Variants in TM6SF1 observed in about 807,000 individuals in gnomAD.
The protein encoded by TM6SF1 is transmembrane 6 superfamily member 1.
A neutral mutation model predicts 47.1 loss-of-function variants in TM6SF1; 43 were observed. The observed-to-expected ratio is 0.91, with a 90% CI of 0.72 to 1.18. The LOEUF is 1.18. Ranked by LOEUF, TM6SF1 falls within the 50% of genes most tolerant of loss-of-function variation. The pLI is 0.00. For missense variants in TM6SF1, 390 were observed against 449.0 expected (o/e 0.87, Z 1.19); for synonymous variants, 177 against 166.3 (o/e 1.06, Z -0.49).
chr15:83,136,722 T>A lies in TM6SF1; in HGVS notation c.*50T>A. 1 of 1,471,214 alleles carries A rather than the reference T, an allele frequency of 6.8e-7. No homozygotes were observed. The highest frequency in any genetic ancestry group is 9.2e-7 in the Non-Finnish European group (1 of 1,082,328). The allele number at this position is 1,471,214 out of a possible 1,614,324, so 91.1% of individuals were successfully genotyped here. A position where few individuals can be genotyped will look rare whatever the true frequency, so the allele number is the denominator to read the frequency against. On this transcript the variant is annotated 3_prime_UTR_variant, in exon 10 of 10. Coordinates refer to ENST00000322019, the MANE Select transcript of TM6SF1 (RefSeq NM_023003.5). The stretch of plus-strand genomic sequence containing the variant: ...TCTAAATTACTAACTTTTGTTATAC[T>A]GGTACTGATATTTTGTCCCATTTCA...
intron 1 of TM6SF1, among the ~76,000 whole-genome samples, chr15:83,109,748 G>A (rs1229184817): frequency 1.3e-5 from 2 of 152,120 alleles, no homozygotes; most frequent in African/African-American, 4.8e-5. Context: ...CCCAGCCCAC[G>A]CACTAGTGCT....
intron 2 of TM6SF1, chr15:83,115,213 G>A (rs940326799): frequency 2.4e-5 from 4 of 169,500 alleles, no homozygotes; most frequent in Admixed American, 5.8e-5. Flanking sequence ...CGCCTCCTGG[G>A]TTCAAGCAAT....
rs1294413776 is a variant in TM6SF1 at position 83,124,705 on chromosome 15, A to G, written c.637A>G (p.Arg213Gly). ...IQEAQAKDLL[R>G]RPFDLMLVVC... ...AGAAGCCCAAGCGAAAGACCTGCTG[A>G]GAAGACCATTTGATTTAATGTTGGT... The change falls in exon 7 of 10, where the codon AGA (arginine) becomes GGA (glycine). Residue 213 changes from arginine to glycine, a missense_variant. Coordinates refer to ENST00000322019, the MANE Select transcript of TM6SF1 (RefSeq NM_023003.5). The G allele has an allele frequency of 1.9e-6, 3 of 1,614,012 alleles. No individual in the cohort carries two copies. The African/African-American group carries it at 4.0e-5, about 22-fold the overall frequency.
Position 83,122,854 on chromosome 15 carries a change from A to C in TM6SF1, c.579A>C (p.Ser193=). The change falls in exon 6 of 10, where the codon TCA becomes TCC. Residue 193 remains serine (S), a synonymous_variant. Coordinates refer to ENST00000322019, the MANE Select transcript of TM6SF1 (RefSeq NM_023003.5). The part of the protein sequence containing the change: ...WAGFRIYNQP[S]ENYNYPSKVI... ...GTTTCAGAATCTATAATCAGCCATC[A>C]GAAAATTATAATTACCCCTCAAAGG... 6.2e-7 allele frequency: 1 copy of C among 1,614,096 alleles called. No individual in the cohort carries two copies. Among genetic ancestry groups the C allele is most frequent in the Non-Finnish European group, 8.5e-7 (1 of 1,179,996 alleles).
At chr15:83,109,040 CT>C (rs2033918496) in intron 1 of TM6SF1, among the ~76,000 whole-genome samples, 1 of 152,258 alleles carries the variant, frequency 6.6e-6, no homozygotes, top group Non-Finnish European at 1.5e-5. Flanking sequence ...GTGTTTGGCA[CT>C]GTTCCAAGTG....
At chr15:83,128,502 C>T (rs984981002) in intron 9 of TM6SF1, 2 of 152,170 alleles carry the variant, frequency 1.3e-5, no homozygotes, top group African/African-American at 2.4e-5. Flanking sequence ...TACCTGATTC[C>T]TCAGTCCTTG....
chr15:83,127,413 T>A lies in TM6SF1; in HGVS notation c.857T>A (p.Leu286Ter), dbSNP rs1333275299. The A allele has an allele frequency of 6.2e-7, 1 of 1,614,078 alleles. No individual in the cohort carries two copies. Among genetic ancestry groups the A allele is most frequent in the East Asian group, 2.2e-5 (1 of 44,864 alleles). The change falls in exon 9 of 10, where the codon TTA (leucine) becomes TAA (stop). Residue 286 changes from leucine to a stop codon, truncating the protein, a stop_gained. Transcript: ENST00000322019. LOFTEE classifies it high-confidence loss of function. ...VPYFVTALYG[L>*]VVPGCSWMPD... The stretch of plus-strand genomic sequence containing the variant: ...TACTTTGTGACTGCACTGTATGGCT[T>A]AGTGGTTCCTGGATGTTCCTGGATG...
rs199766439 is a variant in TM6SF1, at chr15:83,115,816, T to C, written c.197-29T>C. 2.6e-4 allele frequency: 392 copies of C among 1,523,062 alleles called. 3 individuals are homozygous for C. The Admixed American group carries it at 5.7e-3, about 22-fold the overall frequency. 94.3% of individuals were successfully genotyped at this position (1,523,062 alleles called of 1,614,324 possible). A position where few individuals can be genotyped will look rare whatever the true frequency, so the allele number is the denominator to read the frequency against. On this transcript the variant is annotated intron_variant, in intron 2 of 9. Transcript: ENST00000322019. The stretch of plus-strand genomic sequence containing the variant: ...TAGTAATTGTCTCCTGAGCTATTGC[T>C]TTTTAAACTGCTGCTTTCTTTGCTC...
At chr15:83,110,933 C>T (rs904388715) in intron 1 of TM6SF1, among the ~76,000 whole-genome samples, 3 of 152,192 alleles carry the variant, frequency 2.0e-5, no homozygotes, top group Non-Finnish European at 4.4e-5. Flanking sequence ...TGCAGTGGTG[C>T]AATCTTGGCT....
intron 6 of TM6SF1, among the ~76,000 whole-genome samples, chr15:83,124,043 C>G (rs2066579675): frequency 6.6e-6 from 1 of 152,148 alleles, no homozygotes; most frequent in Admixed American, 6.5e-5. Context: ...CAAAGTTGTT[C>G]ATCATTACAT....
intron 3 of TM6SF1, among the ~76,000 whole-genome samples, chr15:83,118,835 T>C (rs1039953586): frequency 6.6e-6 from 1 of 152,214 alleles, no homozygotes; most frequent in Admixed American, 6.5e-5. Flanking sequence ...AGAAGCCACC[T>C]GGAAATGTAA....
intron 2 of TM6SF1, chr15:83,115,234 C>T (rs1333629081): frequency 5.6e-6 from 1 of 177,594 alleles, no homozygotes; most frequent in African/African-American, 2.4e-5. Flanking sequence ...TCACTTGTCT[C>T]AGCCTCTGGA....
chr15:83,108,284 T>C (rs541660679), intron 1 of TM6SF1, among the ~76,000 whole-genome samples: 1 of 152,190 alleles, frequency 6.6e-6, no homozygotes, highest in Non-Finnish European at 1.5e-5. Context: ...GTTCTAGGCC[T>C]GGCTTTGGCA....
At chr15:83,116,564 T>C (rs1160243555) in intron 3 of TM6SF1, among the ~76,000 whole-genome samples, 1 of 152,194 alleles carries the variant, frequency 6.6e-6, no homozygotes, top group East Asian at 1.9e-4. Flanking sequence ...ATGTACGCTG[T>C]GGGAGTTTGG....
At chr15:83,108,780 T>C (rs1377144700) in intron 1 of TM6SF1, among the ~76,000 whole-genome samples, 1 of 152,186 alleles carries the variant, frequency 6.6e-6, no homozygotes, top group Non-Finnish European at 1.5e-5. Flanking sequence ...GGAGTGTCTG[T>C]ACATAGGGTG....
intron 9 of TM6SF1, chr15:83,130,039 C>T (rs2036110544): frequency 6.6e-6 from 1 of 152,306 alleles, no homozygotes; most frequent in Admixed American, 6.5e-5. Flanking sequence ...CACAATCAGG[C>T]CTCCTCTGCC....
Position 83,119,628 on chromosome 15 carries a change from T to C in TM6SF1, c.345T>C (p.Asp115=). ...TAYGHMICYW[D]GSAHYLMYLV... ...ATGGGCACATGATCTGCTACTGGGA[T>C]GGCTCTGCTCATTATCTGATGTACC... Residue 115 remains aspartate, a synonymous_variant, in exon 4 of 10, where the codon GAT becomes GAC. Coordinates refer to ENST00000322019, the MANE Select transcript of TM6SF1 (RefSeq NM_023003.5). 1.9e-6 allele frequency: 3 copies of C among 1,614,256 alleles called. No homozygotes were observed. The highest frequency in any genetic ancestry group is 1.1e-5 in the South Asian group (1 of 91,092).
intron 4 of TM6SF1, 64 bp downstream of exon 4, chr15:83,119,745 A>T: frequency 6.2e-7 from 1 of 1,608,342 alleles, no homozygotes; most frequent in Non-Finnish European, 8.5e-7. Flanking sequence ...GTATGTAAGG[A>T]AACGTTATGC....
intron 9 of TM6SF1, chr15:83,135,346 G>A (rs988382712): frequency 6.6e-6 from 1 of 152,190 alleles, no homozygotes; most frequent in Non-Finnish European, 1.5e-5. Context: ...TAACTTATAT[G>A]TATTTAAAGC....
Sources: allele counts gnomAD v4.1 joint callset (sites outside exome capture counted in the v4.1 genomes callset), GRCh38; gene constraint gnomAD v4.1.1; transcripts MANE v1.5; gene names NCBI Gene and HGNC (gene_info 2026-07-23, HGNC 2026-07-21).